SLC24A2: variants seen among roughly 807,000 people sequenced by gnomAD.
SLC24A2 encodes the protein sodium/potassium/calcium exchanger 2.
SLC24A2 carries 36 observed loss-of-function variants against 62.0 expected under a neutral mutation model. The observed-to-expected ratio is 0.58, with a 90% CI of 0.44 to 0.77. SLC24A2 has a LOEUF of 0.77. SLC24A2 is among the 30% of genes least tolerant of loss of function. The pLI is 0.00. For synonymous variants in SLC24A2, 358 were observed against 294.0 expected, an observed-to-expected ratio of 1.22 and a Z score of -2.23; for missense variants, 846 against 817.9, an observed-to-expected ratio of 1.03 and a Z score of -0.42.
At chr9:19,887,178 A>G in the SLC24A2 span, among the ~76,000 whole-genome samples, 1 of 152,300 alleles carries the variant, frequency 6.6e-6, no homozygotes, top group East Asian at 1.9e-4. Flanking sequence ...AAACCTGCAC[A>G]TTCTGCACAT....
chr9:20,213,657 G>C, the SLC24A2 span, among the ~76,000 whole-genome samples: 1 of 152,076 alleles, frequency 6.6e-6, no homozygotes. Flanking sequence ...ATAATACTCT[G>C]TACAATTTTG....
At chr9:20,101,980 C>T in the SLC24A2 span, among the ~76,000 whole-genome samples, 8 of 152,122 alleles carry the variant, frequency 5.3e-5, no homozygotes, top group Non-Finnish European at 1.2e-4. Flanking sequence ...TTTCAGTGTT[C>T]CTAGGAGCCT....
the SLC24A2 span, among the ~76,000 whole-genome samples, chr9:19,810,376 T>C: frequency 6.6e-6 from 1 of 152,226 alleles, no homozygotes; most frequent in African/African-American, 2.4e-5. Context: ...AGTGTCTGTT[T>C]TTAGAGACTA....
the SLC24A2 span, among the ~76,000 whole-genome samples, chr9:19,920,282 T>C: frequency 6.6e-6 from 1 of 152,218 alleles, no homozygotes; most frequent in Non-Finnish European, 1.5e-5. Flanking sequence ...TTTGTTTATT[T>C]GTTTGTTTTT....
chr9:19,742,040 C>G (rs554850645), intron 2 of SLC24A2, among the ~76,000 whole-genome samples: 3 of 152,182 alleles, frequency 2.0e-5, no homozygotes, highest in Non-Finnish European at 2.9e-5. Context: ...CAGGTTCACA[C>G]TATTTCTTTT....
At chr9:19,549,671 A>C (rs1834747623) in intron 8 of SLC24A2, among the ~76,000 whole-genome samples, 2 of 152,226 alleles carry the variant, frequency 1.3e-5, no homozygotes, top group Non-Finnish European at 2.9e-5. Context: ...GGTGCCAGAA[A>C]TGGCAAAGAA....
At chr9:19,806,128 A>G in the SLC24A2 span, among the ~76,000 whole-genome samples, 5 of 152,180 alleles carry the variant, frequency 3.3e-5, no homozygotes, top group Admixed American at 2.6e-4. Context: ...TAAAAATATA[A>G]TTGTCTAGGA....
the SLC24A2 span, among the ~76,000 whole-genome samples, chr9:19,835,351 C>T: frequency 6.6e-6 from 1 of 152,090 alleles, no homozygotes; most frequent in African/African-American, 2.4e-5. Flanking sequence ...CAGAGACACA[C>T]ATAGGCTCAA....
the SLC24A2 span, among the ~76,000 whole-genome samples, chr9:20,006,094 T>C: frequency 4.6e-5 from 7 of 151,700 alleles, no homozygotes; most frequent in African/African-American, 1.4e-4. Flanking sequence ...ATGATATACA[T>C]AGTAGAATAC....
the SLC24A2 span, among the ~76,000 whole-genome samples, chr9:20,002,062 C>T: frequency 6.6e-6 from 1 of 152,088 alleles, no homozygotes; most frequent in East Asian, 1.9e-4. Context: ...AGGACTAAAG[C>T]CCTGCTTTAG....
chr9:19,995,517 A>C, the SLC24A2 span, among the ~76,000 whole-genome samples: 7 of 152,320 alleles, frequency 4.6e-5, no homozygotes, highest in African/African-American at 1.7e-4. Context: ...TCTTTTTCAT[A>C]AGAACACTAG....
At chr9:19,525,391 CTTTTTTTTT>C (rs572919824) in intron 9 of SLC24A2, among the ~76,000 whole-genome samples, 14 of 76,382 alleles carry the variant, frequency 1.8e-4, no homozygotes, top group African/African-American at 5.7e-4. Context: ...TATTTCTTTA[CTTTTTTTTT>C]TTTTTTTTTT....
chr9:19,933,717 C>T, the SLC24A2 span, among the ~76,000 whole-genome samples: 6 of 152,100 alleles, frequency 3.9e-5, no homozygotes, highest in South Asian at 4.1e-4. Context: ...TAGAAACAAC[C>T]CAAATGTTCA....
the SLC24A2 span, among the ~76,000 whole-genome samples, chr9:20,204,431 C>T: frequency 8.5e-5 from 13 of 152,216 alleles, no homozygotes; most frequent in South Asian, 4.1e-4. Context: ...TCAGAACCAA[C>T]TAATCATCAA....
chr9:19,724,558 CATT>C (rs1564064796), intron 2 of SLC24A2, among the ~76,000 whole-genome samples: 1 of 152,078 alleles, frequency 6.6e-6, no homozygotes. Context: ...TAAAAGCTAA[CATT>C]ATTAATACAA....
Position 19,507,815 on chromosome 9 carries a change from T to TA in SLC24A2, c.*8337dup. Reference sequence around the variant, plus strand: ...CACTGGATTTTTGTAGGGATGAGGATAGGGGTTACAATGCTCCTTTAAAAC... The same window carrying TA: ...CACTGGATTTTTGTAGGGATGAGGATAAGGGGTTACAATGCTCCTTTAAAAC... On this transcript the variant is annotated 3_prime_UTR_variant, in exon 11 of 11. Coordinates refer to ENST00000341998, the MANE Select transcript of SLC24A2 (RefSeq NM_020344.4). 6.6e-6 allele frequency: 1 copy of TA among 152,180 alleles called. No individual in the cohort carries two copies. Among genetic ancestry groups the TA allele is most frequent in the East Asian group, 1.9e-4 (1 of 5,196 alleles). The allele number at this position is 152,180 out of a possible 1,614,324, so 9.4% of individuals were successfully genotyped here.
At chr9:19,810,064 G>A in the SLC24A2 span, among the ~76,000 whole-genome samples, 2 of 152,154 alleles carry the variant, frequency 1.3e-5, no homozygotes, top group South Asian at 4.1e-4. Flanking sequence ...GGGGCATAGA[G>A]GCCACACTGC....
At chr9:20,030,280 T>A in the SLC24A2 span, among the ~76,000 whole-genome samples, 1 of 152,218 alleles carries the variant, frequency 6.6e-6, no homozygotes, top group Admixed American at 6.5e-5. Context: ...ATGGGGAACC[T>A]TGAAGGGTTT....
the SLC24A2 span, among the ~76,000 whole-genome samples, chr9:19,852,012 T>C: frequency 6.6e-6 from 1 of 152,202 alleles, no homozygotes; most frequent in Non-Finnish European, 1.5e-5. Context: ...GACTTTTTAA[T>C]AATCACCATT....
Sources: gnomAD v4.1 joint callset for allele counts (sites outside exome capture counted in the v4.1 genomes callset) on GRCh38, gnomAD v4.1.1 for gene constraint, MANE v1.5 for transcripts, NCBI Gene and HGNC (gene_info 2026-07-23, HGNC 2026-07-21) for gene names.